MSRA: variants seen among roughly 807,000 people sequenced by gnomAD.
The protein encoded by MSRA is mitochondrial peptide methionine sulfoxide reductase.
Under a neutral mutation model 31.3 loss-of-function variants are expected in MSRA, and 54 were observed. That is an observed-to-expected ratio of 1.73 (90% CI 1.39 to 2.17). The LOEUF (loss-of-function observed/expected upper bound fraction) is 2.17. MSRA is among the 30% of genes most tolerant of loss of function. MSRA has a pLI of 0.00. For missense variants in MSRA, 507 were observed against 300.9 expected, an observed-to-expected ratio of 1.69 and a Z score of -5.07; for synonymous variants, 169 against 116.5, an observed-to-expected ratio of 1.45 and a Z score of -2.90.
intron 1 of MSRA, among the ~76,000 whole-genome samples, chr8:10,066,034 C>T (rs1288704289): frequency 6.7e-6 from 1 of 150,134 alleles, no homozygotes; most frequent in Non-Finnish European, 1.5e-5. Context: ...TATATAATAA[C>T]TTTTTTGAGA....
chr8:10,153,223 C>A (rs1255647465), intron 1 of MSRA, among the ~76,000 whole-genome samples: 3 of 152,114 alleles, frequency 2.0e-5, no homozygotes, highest in Non-Finnish European at 4.4e-5. Flanking sequence ...CAGCAGATGG[C>A]TGAGAAGTTG....
chr8:10,155,602 C>T (rs1243820842), intron 1 of MSRA, among the ~76,000 whole-genome samples: 1 of 152,080 alleles, frequency 6.6e-6, no homozygotes, highest in South Asian at 2.1e-4. Flanking sequence ...AAATGGCGAG[C>T]CTGAGATCCT....
chr8:10,239,725 G>A (rs955678022), intron 2 of MSRA, among the ~76,000 whole-genome samples: 1 of 152,202 alleles, frequency 6.6e-6, no homozygotes, highest in African/African-American at 2.4e-5. Flanking sequence ...ACTCTACAGA[G>A]CCAAGAGTGT....
chr8:10,284,724 CAGT>C (rs1028922051), intron 3 of MSRA, among the ~76,000 whole-genome samples: 1 of 152,126 alleles, frequency 6.6e-6, no homozygotes, highest in Non-Finnish European at 1.5e-5. Context: ...CTCCGCCCCT[CAGT>C]GGTGGTGTGA....
chr8:10,062,852 A>G (rs1797277247), intron 1 of MSRA, among the ~76,000 whole-genome samples: 2 of 152,154 alleles, frequency 1.3e-5, no homozygotes. Flanking sequence ...GCTGCGTGAG[A>G]TTGCTAGTGA....
chr8:10,232,667 C>T (rs367667495), intron 2 of MSRA, among the ~76,000 whole-genome samples: 1 of 152,088 alleles, frequency 6.6e-6, no homozygotes, highest in African/African-American at 2.4e-5. Context: ...CATATGAGAA[C>T]CCAAATCTTA....
intron 1 of MSRA, among the ~76,000 whole-genome samples, chr8:10,166,206 CT>C (rs1161964528): frequency 6.6e-6 from 1 of 152,112 alleles, no homozygotes; most frequent in Non-Finnish European, 1.5e-5. Context: ...TGACAGGCTT[CT>C]TTAGAAGTTT....
intron 3 of MSRA, among the ~76,000 whole-genome samples, chr8:10,277,339 G>C (rs1034341028): frequency 6.6e-6 from 1 of 152,186 alleles, no homozygotes; most frequent in African/African-American, 2.4e-5. Context: ...CTAGGAGTCA[G>C]TAACCCTGGA....
intron 2 of MSRA, among the ~76,000 whole-genome samples, chr8:10,226,255 G>T (rs1206487825): frequency 6.6e-6 from 1 of 152,206 alleles, no homozygotes; most frequent in Non-Finnish European, 1.5e-5. Flanking sequence ...TAGATGAAAG[G>T]TTTAACTTTC....
At chr8:10,082,801 A>G (rs1798360779) in intron 1 of MSRA, among the ~76,000 whole-genome samples, 2 of 152,164 alleles carry the variant, frequency 1.3e-5, no homozygotes, top group Admixed American at 6.5e-5. Context: ...CCTCGTGTGA[A>G]GGGGGCACTG....
chr8:10,392,168 AC>A (rs1271600443), intron 5 of MSRA, among the ~76,000 whole-genome samples: 2 of 152,070 alleles, frequency 1.3e-5, no homozygotes, highest in Non-Finnish European at 2.9e-5. Context: ...TGGACTTGAA[AC>A]CTGCTAGACT....
At chr8:10,105,772 CT>C (rs905192330) in intron 1 of MSRA, among the ~76,000 whole-genome samples, 1 of 152,166 alleles carries the variant, frequency 6.6e-6, no homozygotes, top group South Asian at 2.1e-4. Flanking sequence ...GCTGAGGCTC[CT>C]TGTGTATCTT....
At chr8:10,066,555 C>A (rs183783689) in intron 1 of MSRA, among the ~76,000 whole-genome samples, 1 of 151,944 alleles carries the variant, frequency 6.6e-6, no homozygotes, top group Non-Finnish European at 1.5e-5. Flanking sequence ...TTTTTTGAGA[C>A]GGAGTTTCAC....
chr8:10,275,482 A>C (rs189378260), intron 3 of MSRA, among the ~76,000 whole-genome samples: 196 of 152,370 alleles, frequency 1.3e-3, no homozygotes, highest in Non-Finnish European at 2.0e-3. Flanking sequence ...CAGAAATGAA[A>C]GCACAAGAAG....
chr8:10,428,487 A>T lies in MSRA; in HGVS notation c.*175A>T. On this transcript the variant is annotated 3_prime_UTR_variant, in exon 6 of 6. Coordinates refer to ENST00000317173, the MANE Select transcript of MSRA (RefSeq NM_012331.5). ...GGAGGCGCGATGGCAAGTTGATAAA[A>T]TGTGACTTATCTCCTAATAAGTTAT... 1.5e-6 allele frequency: 1 copy of T among 653,838 alleles called. No individual in the cohort carries two copies. Among genetic ancestry groups the T allele is most frequent in the Non-Finnish European group, 2.6e-6 (1 of 390,948 alleles). 40.5% of individuals were successfully genotyped at this position (653,838 alleles called of 1,614,324 possible). A position where few individuals can be genotyped will look rare whatever the true frequency, so the allele number is the denominator to read the frequency against.
intron 2 of MSRA, among the ~76,000 whole-genome samples, chr8:10,238,746 A>G (rs1211073776): frequency 6.6e-6 from 1 of 152,220 alleles, no homozygotes; most frequent in Non-Finnish European, 1.5e-5. Flanking sequence ...CTCACCCCCT[A>G]CATAAAAATT....
Position 10,124,752 on chromosome 8 carries a change from T to C in MSRA, c.142+70094T>C, listed in dbSNP as rs189265507. Among the ~76,000 whole-genome samples, 45 of 152,338 alleles carry C rather than the reference T, an allele frequency of 3.0e-4. No homozygotes were observed. In the East Asian group the frequency reaches 8.7e-3, roughly 29 times the overall value. On this transcript the variant is annotated intron_variant, in intron 1 of 5. Coordinates refer to ENST00000317173, the MANE Select transcript of MSRA (RefSeq NM_012331.5). ...TATTCGAGGATGCAGAGATGATTTT[T>C]TTTTGGTTGAGTTAAACATTTTTAT... is the stretch of plus-strand genomic sequence containing the variant.
At chr8:10,380,847 C>G (rs1806023790) in intron 5 of MSRA, among the ~76,000 whole-genome samples, 1 of 144,718 alleles carries the variant, frequency 6.9e-6, no homozygotes, top group Non-Finnish European at 1.5e-5. Context: ...GAATGGAATG[C>G]TGGCTGGCTG....
intron 1 of MSRA, among the ~76,000 whole-genome samples, chr8:10,112,999 C>T (rs1800396056): frequency 6.6e-6 from 1 of 152,148 alleles, no homozygotes; most frequent in African/African-American, 2.4e-5. Context: ...AACAGTGTCA[C>T]CCCTGCAGTG....
Sources: allele counts gnomAD v4.1 joint callset (sites outside exome capture counted in the v4.1 genomes callset), GRCh38; gene constraint gnomAD v4.1.1; transcripts MANE v1.5; gene names NCBI Gene and HGNC (gene_info 2026-07-23, HGNC 2026-07-21).